The following ZNF385C variants were observed in gnomAD, a reference collection of about 807,000 sequenced individuals.
The protein encoded by ZNF385C is CTD-2132N18.2.
In ZNF385C, 28 loss-of-function variants were observed where a neutral mutation model predicts 35.4. The observed-to-expected ratio is 0.79, with a 90% CI of 0.59 to 1.08. The LOEUF (loss-of-function observed/expected upper bound fraction) is 1.08, where lower values mean the gene tolerates loss of function less well. Among genes scored for constraint, ZNF385C ranks in the 50% least tolerant of loss-of-function variants. ZNF385C has a pLI of 0.00. For synonymous variants in ZNF385C, 248 were observed against 248.2 expected, an observed-to-expected ratio of 1.00 and a Z score of 0.01; for missense variants, 605 against 595.6, an observed-to-expected ratio of 1.02 and a Z score of -0.16.
At position 42,036,472 on chromosome 17, in the gene ZNF385C, C is replaced by T. The variant is rs1182850816; in HGVS notation, c.399+1265G>A. On this transcript the variant is annotated intron_variant, in intron 3 of 8. Transcript: ENST00000692273. ...CTTTGGGAGGCCGAGGTGGGAGGAT[C>T]CCTTGAGCTCCAGAGTTTGAGACCA... Among the ~76,000 whole-genome samples the T allele has an allele frequency of 3.3e-5, 5 of 152,030 alleles. No individual in the cohort carries two copies. In the East Asian group the frequency reaches 9.7e-4, roughly 29 times the overall value.
intron 2 of ZNF385C, among the ~76,000 whole-genome samples, chr17:42,044,194 C>T (rs1160324986): frequency 6.8e-6 from 1 of 147,202 alleles, no homozygotes; most frequent in East Asian, 2.0e-4. Flanking sequence ...ATGTCTAGTC[C>T]CAGCTACTGG....
intron 3 of ZNF385C, among the ~76,000 whole-genome samples, chr17:42,036,620 A>G (rs181667567): frequency 3.2e-3 from 480 of 152,354 alleles, no homozygotes; most frequent in Non-Finnish European, 4.4e-3. Context: ...ATGGGTGCAG[A>G]AACTTCCCTG....
intron 2 of ZNF385C, among the ~76,000 whole-genome samples, chr17:42,042,047 A>C (rs1439323992): frequency 6.6e-6 from 1 of 152,124 alleles, no homozygotes; most frequent in Non-Finnish European, 1.5e-5. Flanking sequence ...CATTATGAAA[A>C]CCAATTAAAC....
At chr17:42,092,300 C>T (rs1203102038) in intron 1 of ZNF385C, among the ~76,000 whole-genome samples, 2 of 152,034 alleles carry the variant, frequency 1.3e-5, no homozygotes, top group African/African-American at 4.8e-5. Flanking sequence ...ACTCAGGAGG[C>T]TGAGGCACGA....
chr17:42,027,987 G>A, intron 7 of ZNF385C, 63 bp downstream of exon 7: 1 of 1,573,116 alleles, frequency 6.4e-7, no homozygotes, highest in Non-Finnish European at 8.7e-7. Flanking sequence ...CCCTCCCTCT[G>A]CTGCCCTGCC....
At chr17:42,034,191 C>A in intron 4 of ZNF385C, 34 bp downstream of exon 4, 2 of 1,520,364 alleles carry the variant, frequency 1.3e-6, no homozygotes, top group African/African-American at 2.8e-5. Flanking sequence ...TGCCCAGCCC[C>A]CTCCCCAGAC....
intron 2 of ZNF385C, among the ~76,000 whole-genome samples, chr17:42,044,550 A>G (rs2053108938): frequency 6.6e-6 from 1 of 151,592 alleles, no homozygotes; most frequent in Non-Finnish European, 1.5e-5. Flanking sequence ...CGGGAGGCGG[A>G]GGTTGCAGTG....
At chr17:42,068,734 A>T (rs971382334) in intron 1 of ZNF385C, among the ~76,000 whole-genome samples, 4 of 152,240 alleles carry the variant, frequency 2.6e-5, no homozygotes, top group Non-Finnish European at 5.9e-5. Flanking sequence ...ATTAGAGAAC[A>T]GGCTTTGGGA....
intron 2 of ZNF385C, among the ~76,000 whole-genome samples, chr17:42,047,389 G>A (rs898505575): frequency 2.1e-4 from 32 of 151,996 alleles, no homozygotes; most frequent in Admixed American, 4.6e-4. Flanking sequence ...TGACCAGGCT[G>A]ATCTCGAACT....
chr17:42,084,232 A>G (rs2143936365), intron 1 of ZNF385C, among the ~76,000 whole-genome samples: 1 of 151,452 alleles, frequency 6.6e-6, no homozygotes, highest in East Asian at 2.0e-4. Flanking sequence ...AGTCCAACCT[A>G]TGAGGGCAGA....
At position 42,031,773 on chromosome 17, in the gene ZNF385C, C is replaced by T; in HGVS notation, c.522G>A (p.Glu174=). 1 of 1,550,846 alleles carries T rather than the reference C, an allele frequency of 6.4e-7. No individual in the cohort carries two copies. Among genetic ancestry groups the T allele is most frequent in the Non-Finnish European group, 8.7e-7 (1 of 1,147,070 alleles). The stretch of plus-strand genomic sequence containing the variant: ...CGTGTTTGTGGCCTTTATAATGTGC[C>T]TCGGCCTGGTTCTGGGGAGGGGAGG... ...HLRFNSANQA[E]AHYKGHKHAR... is the part of the protein sequence containing the mutation. Residue 174 remains glutamate (E), a synonymous_variant, in exon 5 of 9, where the codon GAG becomes GAA. Transcript: ENST00000692273.
intron 2 of ZNF385C, among the ~76,000 whole-genome samples, chr17:42,058,198 C>G (rs1274385764): frequency 6.6e-6 from 1 of 152,158 alleles, no homozygotes; most frequent in Admixed American, 6.5e-5. Context: ...AACCACCCCC[C>G]AGTCTCCCTC....
intron 1 of ZNF385C, among the ~76,000 whole-genome samples, chr17:42,083,850 C>A (rs1215864890): frequency 1.5e-4 from 23 of 150,656 alleles, no homozygotes; most frequent in African/African-American, 5.6e-4. Flanking sequence ...TCCCAAGTAG[C>A]TGGGATTACA....
chr17:42,069,141 G>A (rs957371695), intron 1 of ZNF385C, among the ~76,000 whole-genome samples: 4 of 152,182 alleles, frequency 2.6e-5, no homozygotes, highest in African/African-American at 7.2e-5. Context: ...GCTGCAGAGA[G>A]GGTAGGGGTT....
intron 1 of ZNF385C, among the ~76,000 whole-genome samples, chr17:42,070,850 C>T (rs932662043): frequency 3.3e-5 from 5 of 152,230 alleles, no homozygotes; most frequent in South Asian, 2.1e-4. Context: ...CCTGGGTACC[C>T]GCTGAGTGTC....
intron 2 of ZNF385C, among the ~76,000 whole-genome samples, chr17:42,042,544 A>G (rs147561839): frequency 1.3e-5 from 2 of 152,058 alleles, no homozygotes; most frequent in South Asian, 2.1e-4. Flanking sequence ...AATTAAATAC[A>G]TCTGTGGGTC....
intron 1 of ZNF385C, among the ~76,000 whole-genome samples, chr17:42,081,836 T>C (rs1344787831): frequency 6.6e-6 from 1 of 152,228 alleles, no homozygotes; most frequent in Non-Finnish European, 1.5e-5. Context: ...TCCGGCATCC[T>C]AGGCTGGGCT....
At chr17:42,042,809 C>T in intron 2 of ZNF385C, 1 of 1,231,748 alleles carries the variant, frequency 8.1e-7, no homozygotes, top group Non-Finnish European at 1.0e-6. Context: ...CAAGCCCTTC[C>T]CCCATACTTC....
At chr17:42,098,118 C>T (rs1437346870) in intron 1 of ZNF385C, among the ~76,000 whole-genome samples, 1 of 152,240 alleles carries the variant, frequency 6.6e-6, no homozygotes, top group African/African-American at 2.4e-5. Flanking sequence ...CATCCCCAAC[C>T]TGCCCCACTC....
Sources: allele counts gnomAD v4.1 joint callset (sites outside exome capture counted in the v4.1 genomes callset), GRCh38; gene constraint gnomAD v4.1.1; transcripts MANE v1.5; gene names NCBI Gene and HGNC (gene_info 2026-07-23, HGNC 2026-07-21).